The following VGLL4 variants were observed in gnomAD, a reference collection of about 807,000 sequenced individuals.
VGLL4 encodes the protein vestigial like family member 4.
VGLL4 carries 7 observed loss-of-function variants against 21.0 expected under a neutral mutation model. That is an observed-to-expected ratio of 0.33 (90% CI 0.19 to 0.63). The LOEUF (loss-of-function observed/expected upper bound fraction) is 0.63. Among genes scored for constraint, VGLL4 ranks in the 20% least tolerant of loss-of-function variants. VGLL4 has a pLI of 0.78. For missense variants in VGLL4, 394 were observed against 425.7 expected (o/e 0.93, Z 0.66); for synonymous variants, 222 against 173.2 (o/e 1.28, Z -2.21).
At chr3:11,613,722 C>T (rs538687235) in intron 1 of VGLL4, among the ~76,000 whole-genome samples, 1 of 152,282 alleles carries the variant, frequency 6.6e-6, no homozygotes, top group Non-Finnish European at 1.5e-5. Flanking sequence ...GATTTCTATG[C>T]GAATCAATGA....
upstream of VGLL4, among the ~76,000 whole-genome samples, chr3:11,648,274 A>C (rs2075821163): frequency 6.6e-6 from 1 of 152,234 alleles, no homozygotes; most frequent in African/African-American, 2.4e-5. Flanking sequence ...AGGAATCAGA[A>C]ATCCAGGCCA....
At chr3:11,602,697 G>A (rs541379525) in intron 1 of VGLL4, among the ~76,000 whole-genome samples, 7 of 152,216 alleles carry the variant, frequency 4.6e-5, no homozygotes, top group African/African-American at 1.7e-4. Context: ...AACATGTTTC[G>A]AAGTTAGGCA....
rs935614226 is a variant in VGLL4, at chr3:11,719,243, C to T, written c.-14+1151G>A. Reference sequence around the variant, plus strand: ...CGACTCCCAGGACGTCCTCCGGGAGCCTAGGCGCTTCCGCTCCCACCGGCG... The same window carrying T: ...CGACTCCCAGGACGTCCTCCGGGAGTCTAGGCGCTTCCGCTCCCACCGGCG... On this transcript the variant is annotated intron_variant, in intron 1 of 5. Coordinates refer to the VGLL4 transcript ENST00000273038. This position sits in a 1 kb window ranked among gnomAD's most constrained non-coding sequence, Gnocchi z 4.0. 1.3e-5 allele frequency among the ~76,000 whole-genome samples: 2 copies of T among 152,044 alleles called. No homozygotes were observed. The highest frequency in any genetic ancestry group is 1.3e-4 in the Admixed American group (2 of 15,284).
intron 2 of VGLL4, among the ~76,000 whole-genome samples, chr3:11,689,033 G>A (rs1329423419): frequency 6.6e-6 from 1 of 152,000 alleles, no homozygotes; most frequent in Non-Finnish European, 1.5e-5. Context: ...AAAAAAAAGA[G>A]AGAGAGAGAT....
intron 1 of VGLL4, 43 bp downstream of exon 1, chr3:11,643,393 GC>G (rs2075733430): frequency 6.2e-7 from 1 of 1,613,734 alleles, no homozygotes. Context: ...AGGAGGAGTG[GC>G]CGGGACGAGC....
At chr3:11,712,380 G>A (rs1284151118) in intron 1 of VGLL4, among the ~76,000 whole-genome samples, 3 of 152,092 alleles carry the variant, frequency 2.0e-5, no homozygotes, top group East Asian at 1.9e-4. Context: ...TAGATTAAAC[G>A]ATGTAACTGA....
chr3:11,578,289 C>G (rs530262013), intron 2 of VGLL4, among the ~76,000 whole-genome samples: 1 of 152,112 alleles, frequency 6.6e-6, no homozygotes, highest in Non-Finnish European at 1.5e-5. Context: ...GGCTAAAGAC[C>G]AGACATGAAT....
At chr3:11,590,525 G>A (rs61017307) in intron 2 of VGLL4, among the ~76,000 whole-genome samples, 3,323 of 152,250 alleles carry the variant, frequency 0.022, 115 homozygotes, top group African/African-American at 0.075. Flanking sequence ...CTCTGCTGGG[G>A]CTGGAAGGCT....
intron 2 of VGLL4, among the ~76,000 whole-genome samples, chr3:11,670,041 T>C (rs1431935536): frequency 6.6e-6 from 1 of 152,120 alleles, no homozygotes; most frequent in Admixed American, 6.5e-5. Flanking sequence ...AAATCTTCTG[T>C]TAAGACAATC....
At position 11,556,358 on chromosome 3, in the gene VGLL4, G is replaced by C. The variant is rs1037071293; in HGVS notation, c.*2198C>G. ...CCCCTCCAGGGTACTGCCTATCCCA[G>C]ATAGGTCAGTGCACCAGGGACCCGG... On this transcript the variant is annotated 3_prime_UTR_variant, in exon 5 of 5. Coordinates refer to ENST00000430365, the MANE Select transcript of VGLL4 (RefSeq NM_001128219.3). 3 of 152,736 alleles carry C rather than the reference G, an allele frequency of 2.0e-5. No homozygotes were observed. Among genetic ancestry groups the C allele is most frequent in the African/African-American group, 7.2e-5 (3 of 41,406 alleles). The allele number at this position is 152,736 out of a possible 1,614,324, so 9.5% of individuals were successfully genotyped here. A position where few individuals can be genotyped will look rare whatever the true frequency, so the allele number is the denominator to read the frequency against.
chr3:11,646,265 C>T (rs1216751910), upstream of VGLL4, among the ~76,000 whole-genome samples: 1 of 152,166 alleles, frequency 6.6e-6, no homozygotes, highest in Non-Finnish European at 1.5e-5. Context: ...GATCATTGCA[C>T]TGAAAACAAA....
At chr3:11,598,968 A>G (rs550050102) in intron 2 of VGLL4, among the ~76,000 whole-genome samples, 26 of 152,352 alleles carry the variant, frequency 1.7e-4, no homozygotes, top group African/African-American at 6.3e-4. Flanking sequence ...ATAATTATGA[A>G]TCTGTCATTT....
chr3:11,628,661 A>C (rs1431400595), intron 1 of VGLL4, among the ~76,000 whole-genome samples: 1 of 151,626 alleles, frequency 6.6e-6, no homozygotes, highest in East Asian at 1.9e-4. Flanking sequence ...TCTACTAAAA[A>C]TACAAACATT....
intron 2 of VGLL4, among the ~76,000 whole-genome samples, chr3:11,601,449 A>G (rs1415257525): frequency 6.6e-6 from 1 of 152,180 alleles, no homozygotes; most frequent in Non-Finnish European, 1.5e-5. Context: ...CTTCCCTTCT[A>G]TTTGTCTGGT....
In VGLL4 at chr3:11,564,857, G is replaced by A; in HGVS notation, c.435C>T (p.Ser145=). The part of the protein sequence containing the change: ...LEQPLALTKN[S]LDASRPAGLS... Reference sequence around the variant, plus strand: ...GGCCGGCTGGCCTGCTGGCGTCCAGGCTGTTCTTGGTCAGTGCGAGGGGCT... The same window carrying A: ...GGCCGGCTGGCCTGCTGGCGTCCAGACTGTTCTTGGTCAGTGCGAGGGGCT... The change falls in exon 3 of 5, where the codon AGC becomes AGT. Residue 145 remains serine, a synonymous_variant. Transcript: ENST00000430365. 1 of 1,607,902 alleles carries A rather than the reference G, an allele frequency of 6.2e-7. No homozygotes were observed. The highest frequency in any genetic ancestry group is 8.5e-7 in the Non-Finnish European group (1 of 1,178,188).
At chr3:11,635,279 T>C (rs1056806778) in intron 1 of VGLL4, among the ~76,000 whole-genome samples, 2 of 152,316 alleles carry the variant, frequency 1.3e-5, no homozygotes, top group East Asian at 3.9e-4. Context: ...GGGTTTGTTT[T>C]TGTTTTAAAG....
intron 2 of VGLL4, among the ~76,000 whole-genome samples, chr3:11,573,190 CAGAA>C (rs578035659): frequency 1.4e-5 from 2 of 142,876 alleles, no homozygotes; most frequent in African/African-American, 5.2e-5. Flanking sequence ...GACAGACAGA[CAGAA>C]AGAAAGAAAA....
At chr3:11,630,150 C>T (rs1190369304) in intron 1 of VGLL4, among the ~76,000 whole-genome samples, 2 of 152,150 alleles carry the variant, frequency 1.3e-5, no homozygotes, top group Non-Finnish European at 2.9e-5. Context: ...TATACATACT[C>T]CAGCCTCTAA....
At chr3:11,623,736 C>G (rs1050347571) in intron 1 of VGLL4, among the ~76,000 whole-genome samples, 11 of 144,448 alleles carry the variant, frequency 7.6e-5, no homozygotes, top group African/African-American at 3.0e-4. Context: ...TTTCACCAAT[C>G]TGTGAAAATT....
Sources: allele counts gnomAD v4.1 joint callset (sites outside exome capture counted in the v4.1 genomes callset), GRCh38; gene constraint gnomAD v4.1.1; non-coding constraint Gnocchi (gnomAD v3.1); transcripts MANE v1.5; gene names NCBI Gene and HGNC (gene_info 2026-07-23, HGNC 2026-07-21).